CLIP4: variants seen among roughly 807,000 people sequenced by gnomAD.
CLIP4 encodes CAP-Gly domain containing linker protein family member 4, also known as CAP-Gly domain-containing linker protein 4.
A neutral mutation model predicts 73.1 loss-of-function variants in CLIP4; 47 were observed. The ratio of observed to expected loss-of-function variants is 0.64; its 90% CI spans 0.51 to 0.82. The LOEUF is 0.82. Among genes scored for constraint, CLIP4 ranks in the 40% least tolerant of loss-of-function variants. The probability of loss-of-function intolerance (pLI) is 0.00; values close to 1 mark genes in which losing one functional copy is unlikely to be tolerated. For missense variants in CLIP4, 874 were observed against 852.9 expected (o/e 1.02, Z -0.31); for synonymous variants, 306 against 295.4 (o/e 1.04, Z -0.37).
At chr2:29,137,808 T>C (rs947229936) in intron 6 of CLIP4, among the ~76,000 whole-genome samples, 11 of 152,338 alleles carry the variant, frequency 7.2e-5, no homozygotes, top group Admixed American at 6.5e-4. Flanking sequence ...GTTGCTTGTA[T>C]GTCTTCTTTT....
chr2:29,167,323 G>A (rs1296606070), intron 13 of CLIP4, among the ~76,000 whole-genome samples, 153 bp from the exon 14 acceptor site: 3 of 151,926 alleles, frequency 2.0e-5, no homozygotes, highest in Admixed American at 6.6e-5. Flanking sequence ...TTTCTTCCAT[G>A]CCAGATGGAA....
chr2:29,174,021 T>C (rs917472650), intron 14 of CLIP4, among the ~76,000 whole-genome samples: 10 of 152,244 alleles, frequency 6.6e-5, no homozygotes, highest in Non-Finnish European at 1.3e-4. Context: ...TCTTCACTTA[T>C]TCATCTATGT....
intron 2 of CLIP4, among the ~76,000 whole-genome samples, chr2:29,124,296 G>T (rs924414039): frequency 6.6e-6 from 1 of 152,102 alleles, no homozygotes; most frequent in Non-Finnish European, 1.5e-5. Flanking sequence ...TTTTCTTTCA[G>T]TACTTGAAAG....
intron 2 of CLIP4, among the ~76,000 whole-genome samples, chr2:29,125,754 T>C (rs1664562602): frequency 6.6e-6 from 1 of 152,208 alleles, no homozygotes; most frequent in African/African-American, 2.4e-5. Context: ...TTGAAAACCA[T>C]TGTTCTTCCC....
upstream of CLIP4, among the ~76,000 whole-genome samples, chr2:29,113,283 A>G (rs909510505): frequency 1.3e-5 from 2 of 152,154 alleles, no homozygotes; most frequent in Non-Finnish European, 2.9e-5. The surrounding 1 kb of genome is among the most constrained non-coding windows in gnomAD (Gnocchi z 4.0). Flanking sequence ...GATTATTGCT[A>G]TACTTTTCAG....
intron 8 of CLIP4, among the ~76,000 whole-genome samples, chr2:29,149,088 T>A (rs947503262): frequency 2.6e-5 from 4 of 152,188 alleles, no homozygotes; most frequent in African/African-American, 9.7e-5. Flanking sequence ...GGGCTATGCA[T>A]TCTCTGTTGT....
At chr2:29,167,587 C>T in intron 14 of CLIP4, 47 bp downstream of exon 14, 1 of 1,452,712 alleles carries the variant, frequency 6.9e-7, no homozygotes, top group Non-Finnish European at 9.4e-7. Context: ...TCTTTGCTTT[C>T]ATTTATTGAA....
chr2:29,112,471 T>A (rs1668407632), upstream of CLIP4, among the ~76,000 whole-genome samples: 1 of 152,248 alleles, frequency 6.6e-6, no homozygotes, highest in South Asian at 2.1e-4. Flanking sequence ...TCCTGGATAT[T>A]ATGCTTTAGA....
rs566940864 is a variant in CLIP4 at position 29,175,100 on chromosome 2, C to T, written c.1796+655C>T. Among the ~76,000 whole-genome samples the T allele has an allele frequency of 1.2e-3, 176 of 152,216 alleles. 1 individual carries two copies. The highest frequency in any genetic ancestry group is 2.0e-3 in the Non-Finnish European group (138 of 68,020). On this transcript the variant is annotated intron_variant, in intron 15 of 15. Transcript: ENST00000320081. ...AGGCTTAGCTGCTTAGGGAAGTACACGTGCTTGTTTAAGTAATGGGACCCT... is the reference window on the plus strand; with the variant it reads ...AGGCTTAGCTGCTTAGGGAAGTACATGTGCTTGTTTAAGTAATGGGACCCT...
In CLIP4 at chr2:29,137,935, T is replaced by A. The variant is rs569575154; in HGVS notation, c.648+2269T>A. On this transcript the variant is annotated intron_variant, in intron 6 of 15. Coordinates refer to ENST00000320081, the MANE Select transcript of CLIP4 (RefSeq NM_024692.6). ...TCCTTTGTTGGATGCATAGTTTGTATTTTTACCCATTCTGTAGGTTGTCTG... is the reference window on the plus strand; with the variant it reads ...TCCTTTGTTGGATGCATAGTTTGTAATTTTACCCATTCTGTAGGTTGTCTG... Among the ~76,000 whole-genome samples, 5 of 152,216 alleles carry A rather than the reference T, an allele frequency of 3.3e-5. No homozygotes were observed. The South Asian group carries it at 1.0e-3, about 32-fold the overall frequency.
At chr2:29,158,135 C>T (rs145417831) in intron 11 of CLIP4, among the ~76,000 whole-genome samples, 299 of 152,224 alleles carry the variant, frequency 2.0e-3, no homozygotes, top group Non-Finnish European at 3.5e-3. Flanking sequence ...AGTAGAGAAC[C>T]TGAAAGTTTT....
intron 15 of CLIP4, among the ~76,000 whole-genome samples, chr2:29,175,903 A>G (rs10165564): frequency 0.44 from 65,991 of 151,186 alleles, 15,396 homozygotes; most frequent in East Asian, 0.91. Context: ...CTGGGACTAC[A>G]GGCGCCCGCC....
intron 3 of CLIP4, 84 bp downstream of exon 3, chr2:29,131,481 T>C (rs781585661): frequency 5.7e-6 from 8 of 1,402,566 alleles, no homozygotes; most frequent in Non-Finnish European, 7.7e-6. Context: ...AGGAAGATGG[T>C]AATAAAGGAG....
At chr2:29,178,051 G>A (rs1457444658) in intron 15 of CLIP4, among the ~76,000 whole-genome samples, 6 of 152,094 alleles carry the variant, frequency 3.9e-5, no homozygotes, top group Non-Finnish European at 7.3e-5. Flanking sequence ...TATGAAAGTT[G>A]TACAATATTT....
intron 15 of CLIP4, among the ~76,000 whole-genome samples, chr2:29,178,493 T>G (rs1477214034): frequency 1.3e-5 from 2 of 152,154 alleles, no homozygotes; most frequent in African/African-American, 4.8e-5. Flanking sequence ...GTGTCTGAAT[T>G]TTTAAGCAAA....
At chr2:29,151,366 C>T (rs1245022281) in intron 8 of CLIP4, among the ~76,000 whole-genome samples, 2 of 151,914 alleles carry the variant, frequency 1.3e-5, no homozygotes, top group African/African-American at 2.4e-5. Context: ...AAACCCTTGC[C>T]GACACTGGTT....
chr2:29,122,240 C>CTTTTTTTTTTTTTTTTTT (rs11359647), intron 2 of CLIP4, among the ~76,000 whole-genome samples: 1 of 135,272 alleles, frequency 7.4e-6, no homozygotes, highest in Non-Finnish European at 1.6e-5. Context: ...CTCCAAGTTT[C>CTTTTTTTTTTTTTTTTTT]TTTTTTTTTT....
At chr2:29,149,554 A>C (rs908124342) in intron 8 of CLIP4, among the ~76,000 whole-genome samples, 2 of 151,924 alleles carry the variant, frequency 1.3e-5, no homozygotes, top group African/African-American at 4.8e-5. Flanking sequence ...CTTTCCAAAT[A>C]ATTCATCATG....
chr2:29,154,802 G>A (rs1666809646), intron 9 of CLIP4, among the ~76,000 whole-genome samples: 1 of 152,146 alleles, frequency 6.6e-6, no homozygotes, highest in African/African-American at 2.4e-5. Context: ...CAGCACATGA[G>A]ACAAATTCAA....
Sources: gnomAD v4.1 joint callset for allele counts (sites outside exome capture counted in the v4.1 genomes callset) on GRCh38, gnomAD v4.1.1 for gene constraint, Gnocchi (gnomAD v3.1) non-coding constraint, MANE v1.5 for transcripts, NCBI Gene and HGNC (gene_info 2026-07-23, HGNC 2026-07-21) for gene names.